GPR17: variants seen among roughly 807,000 people sequenced by gnomAD.
The protein encoded by GPR17 is G protein-coupled receptor 17.
GPR17 carries 4 observed loss-of-function variants against 1.5 expected under a neutral mutation model. The ratio of observed to expected loss-of-function variants is 2.73; its 90% confidence interval spans 1.35 to 6.25. The LOEUF is 6.25. Among genes scored for constraint, GPR17 ranks in the 30% most tolerant of loss-of-function variants. GPR17 has a pLI of 0.00. For missense variants in GPR17, 463 were observed against 462.1 expected, an observed-to-expected ratio of 1.00 and a Z score of -0.02; for synonymous variants, 209 against 207.6, an observed-to-expected ratio of 1.01 and a Z score of -0.06.
intron 1 of GPR17, among the ~76,000 whole-genome samples, chr2:127,646,990 G>C (rs1028913942): frequency 6.6e-6 from 1 of 152,182 alleles, no homozygotes; most frequent in Non-Finnish European, 1.5e-5. Flanking sequence ...CTCAGTCCCA[G>C]AGAGAGCGAG....
chr2:127,647,494 A>G lies in GPR17; in HGVS notation c.-21+1250A>G, dbSNP rs1376415212. Among the ~76,000 whole-genome samples the G allele has an allele frequency of 1.3e-5, 2 of 152,150 alleles. No homozygotes were observed. Among genetic ancestry groups the G allele is most frequent in the African/African-American group, 4.8e-5 (2 of 41,428 alleles). ...GGCAGGCCCCCACCATGCCAGGCAG[A>G]GTGGTCAGTCGTACCTATGAGCTGC... On this transcript the variant is annotated intron_variant, in intron 1 of 1. Transcript: ENST00000486700. This position sits in a 1 kb window ranked among gnomAD's most constrained non-coding sequence, Gnocchi z 4.3.
chr2:127,649,161 AAGGT>A (rs1460771697), intron 1 of GPR17, among the ~76,000 whole-genome samples: 1 of 137,564 alleles, frequency 7.3e-6, no homozygotes, highest in South Asian at 2.4e-4. Context: ...GAGAGAGAGG[AAGGT>A]AGGAAGGAAG....
chr2:127,648,072 C>T (rs890464686), intron 1 of GPR17: 12 of 985,606 alleles, frequency 1.2e-5, no homozygotes, highest in African/African-American at 7.0e-5. Flanking sequence ...CCGCCCTCAC[C>T]GTGGTTTTAG....
chr2:127,648,064 G>C, intron 1 of GPR17: 2 of 985,596 alleles, frequency 2.0e-6, no homozygotes, highest in Non-Finnish European at 2.4e-6. Flanking sequence ...TCAGCTCTCC[G>C]CCCTCACCGT....
chr2:127,651,892 G>A lies in GPR17; in HGVS notation c.*137G>A, dbSNP rs192040955. ...CAGATGCCCACCATTTCTCTAGATC[G>A]CCTAGTCTCAACCCATAAAAAGGAA... is the stretch of plus-strand genomic sequence containing the variant. On this transcript the variant is annotated 3_prime_UTR_variant, in exon 2 of 2. Coordinates refer to ENST00000486700, the MANE Select transcript of GPR17 (RefSeq NM_001161417.2). 5.5e-4 allele frequency: 441 copies of A among 796,090 alleles called. 1 individual carries two copies. In the East Asian group the frequency reaches 0.01, roughly 19 times the overall value. The allele number at this position is 796,090 out of a possible 1,614,324, so 49.3% of individuals were successfully genotyped here.
chr2:127,649,690 TTCTCTGCTGAGGGTGGGGAGCACCCTA>T (rs1194851281), intron 1 of GPR17, among the ~76,000 whole-genome samples: 45 of 152,350 alleles, frequency 3.0e-4, no homozygotes, highest in Admixed American at 2.9e-3. Context: ...AAGAGTGGGT[TTCTCTGCTGAGGGTGGGGAGCACCCTA>T]TCCAGACCCA....
chr2:127,649,836 G>T, intron 1 of GPR17: 2 of 611,462 alleles, frequency 3.3e-6, no homozygotes, highest in South Asian at 4.0e-5. Flanking sequence ...TGGGGCTGCA[G>T]ATCCGTCCTC....
intron 1 of GPR17, chr2:127,649,924 G>GAA: frequency 9.3e-7 from 1 of 1,077,194 alleles, no homozygotes; most frequent in East Asian, 2.6e-5. Context: ...CCCTGGTGGT[G>GAA]GATCTACTCT....
intron 1 of GPR17, among the ~76,000 whole-genome samples, chr2:127,648,778 G>A (rs984226900): frequency 3.2e-4 from 48 of 151,764 alleles, no homozygotes; most frequent in East Asian, 7.8e-4. Flanking sequence ...AAAATTAGCC[G>A]GGTGTGGTGG....
chr2:127,649,939 G>A (rs1683541878), intron 1 of GPR17: 3 of 1,298,648 alleles, frequency 2.3e-6, no homozygotes, highest in African/African-American at 2.9e-5. Flanking sequence ...TACTCTGGGA[G>A]AGAAAATACT....
Position 127,651,921 on chromosome 2 carries a change from C to T in GPR17, c.*166C>T, listed in dbSNP as rs1683841795. Reference sequence around the variant, plus strand: ...AGTCTCAACCCATAAAAAGGAAGAACTGACAAAGGGGATCCATCGGCCACC... The same window carrying T: ...AGTCTCAACCCATAAAAAGGAAGAATTGACAAAGGGGATCCATCGGCCACC... On this transcript the variant is annotated 3_prime_UTR_variant, in exon 2 of 2. Coordinates refer to ENST00000486700, the MANE Select transcript of GPR17 (RefSeq NM_001161417.2). 2 of 682,250 alleles carry T rather than the reference C, an allele frequency of 2.9e-6. No individual in the cohort carries two copies. The highest frequency in any genetic ancestry group is 3.9e-5 in the South Asian group (2 of 51,202). The allele number at this position is 682,250 out of a possible 1,614,324, so 42.3% of individuals were successfully genotyped here.
intron 1 of GPR17, among the ~76,000 whole-genome samples, chr2:127,649,418 G>A (rs1683464345): frequency 6.6e-6 from 1 of 152,228 alleles, no homozygotes; most frequent in South Asian, 2.1e-4. Flanking sequence ...TGTGCAGGGT[G>A]GGGATGGTGG....
intron 1 of GPR17, chr2:127,649,840 C>T (rs564877127): frequency 1.9e-4 from 117 of 614,910 alleles, no homozygotes; most frequent in African/African-American, 1.6e-3. Context: ...GCTGCAGATC[C>T]GTCCTCAACA....
At position 127,651,862 on chromosome 2, in the gene GPR17, C is replaced by T. The variant is rs534431195; in HGVS notation, c.*107C>T. The T allele has an allele frequency of 4.0e-6, 4 of 1,008,040 alleles. No homozygotes were observed. The East Asian group carries it at 1.0e-4, about 25-fold the overall frequency. The allele number at this position is 1,008,040 out of a possible 1,614,324, so 62.4% of individuals were successfully genotyped here. A position where few individuals can be genotyped will look rare whatever the true frequency, so the allele number is the denominator to read the frequency against. ...ACCTCCCCAGCAAGCAACCTGAAAT[C>T]TCAGCAGATGCCCACCATTTCTCTA... On this transcript the variant is annotated 3_prime_UTR_variant, in exon 2 of 2. Transcript: ENST00000486700.
chr2:127,650,821 T>C lies in GPR17; in HGVS notation c.86T>C (p.Leu29Pro). 1.2e-6 allele frequency: 2 copies of C among 1,613,994 alleles called. No individual in the cohort carries two copies. The highest frequency in any genetic ancestry group is 2.2e-5 in the South Asian group (2 of 91,086). The change falls in exon 2 of 2, where the codon CTG becomes CCG. Residue 29 changes from leucine to proline, a missense_variant. Physicochemically the swap from Leu to Pro is moderately conservative, Grantham distance 98 (BLOSUM62 -3). Transcript: ENST00000486700. ...TAEQCGQETP[L>P]ENMLFASFYL... is the part of the protein sequence containing the mutation. ...GAGCAATGTGGCCAGGAGACGCCAC[T>C]GGAGAACATGCTGTTCGCCTCCTTC... is the stretch of plus-strand genomic sequence containing the variant.
chr2:127,651,872 GC>G lies in GPR17; in HGVS notation c.*120del. ...CAAGCAACCTGAAATCTCAGCAGAT[GC>G]CCACCATTTCTCTAGATCGCCTAGT... On this transcript the variant is annotated 3_prime_UTR_variant, in exon 2 of 2. Transcript: ENST00000486700. 1 of 927,904 alleles carries G rather than the reference GC, an allele frequency of 1.1e-6. No individual in the cohort carries two copies. The highest frequency in any genetic ancestry group is 1.6e-6 in the Non-Finnish European group (1 of 608,428). The allele number at this position is 927,904 out of a possible 1,614,324, so 57.5% of individuals were successfully genotyped here. A position where few individuals can be genotyped will look rare whatever the true frequency, so the allele number is the denominator to read the frequency against.
chr2:127,650,843 C>T lies in GPR17; in HGVS notation c.108C>T (p.Ser36=). 1 of 1,614,146 alleles carries T rather than the reference C, an allele frequency of 6.2e-7. No homozygotes were observed. ...CACTGGAGAACATGCTGTTCGCCTCCTTCTACCTTCTGGATTTTATCCTGG... is the reference window on the plus strand; with the variant it reads ...CACTGGAGAACATGCTGTTCGCCTCTTTCTACCTTCTGGATTTTATCCTGG... ...ETPLENMLFA[S]FYLLDFILAL... is the part of the protein sequence containing the mutation. Residue 36 remains serine (S), a synonymous_variant, in exon 2 of 2, where the codon TCC becomes TCT. Coordinates refer to ENST00000486700, the MANE Select transcript of GPR17 (RefSeq NM_001161417.2).
rs776545697 is a variant in GPR17 at position 127,651,030 on chromosome 2, T to C, written c.295T>C (p.Phe99Leu). Residue 99 changes from phenylalanine to leucine, a missense_variant, in exon 2 of 2, where the codon TTT (phenylalanine) becomes CTT (leucine). Coordinates refer to ENST00000486700, the MANE Select transcript of GPR17 (RefSeq NM_001161417.2). Reference protein sequence around the residue: ...VYHFSGNHWPFGEIACRLTGF... With the variant: ...VYHFSGNHWPLGEIACRLTGF... ...CCACTTCTCTGGGAACCACTGGCCATTTGGGGAAATCGCATGCCGTCTCAC... is the reference window on the plus strand; with the variant it reads ...CCACTTCTCTGGGAACCACTGGCCACTTGGGGAAATCGCATGCCGTCTCAC... 2 of 1,613,802 alleles carry C rather than the reference T, an allele frequency of 1.2e-6. No homozygotes were observed. The highest frequency in any genetic ancestry group is 1.7e-6 in the Non-Finnish European group (2 of 1,180,038).
chr2:127,650,551 C>T (rs1419168592), intron 1 of GPR17, 165 bp from the exon 2 acceptor site: 19 of 603,412 alleles, frequency 3.1e-5, no homozygotes, highest in Admixed American at 1.8e-4. Flanking sequence ...CTGACGCTCA[C>T]GCACACCAAA....
Sources: gnomAD v4.1 joint callset for allele counts (sites outside exome capture counted in the v4.1 genomes callset) on GRCh38, gnomAD v4.1.1 for gene constraint, Gnocchi (gnomAD v3.1) non-coding constraint, MANE v1.5 for transcripts, NCBI Gene and HGNC (gene_info 2026-07-23, HGNC 2026-07-21) for gene names.